Variants in ERVH48-1 observed in about 807,000 individuals in gnomAD.
ERVH48-1 encodes the protein endogenous retrovirus group 48 member 1, envelope.
ERVH48-1 carries 4 observed loss-of-function variants against 2.4 expected under a neutral mutation model. The observed-to-expected ratio is 1.68, with a 90% CI of 0.83 to 3.84. ERVH48-1 has a LOEUF of 3.84. Among genes scored for constraint, ERVH48-1 ranks in the 30% most tolerant of loss-of-function variants. The pLI is 0.01. For synonymous variants in ERVH48-1, 32 were observed against 15.5 expected (o/e 2.06, Z -2.49); for missense variants, 97 against 43.4 (o/e 2.23, Z -3.47).
chr21:42,923,823 G>C (rs906084817), intron 1 of ERVH48-1, among the ~76,000 whole-genome samples: 2 of 152,232 alleles, frequency 1.3e-5, no homozygotes, highest in African/African-American at 2.4e-5. Flanking sequence ...GCGTGGAAGA[G>C]AGGATAACGT....
chr21:42,923,123 G>T (rs535492421), intron 1 of ERVH48-1, among the ~76,000 whole-genome samples: 88 of 152,274 alleles, frequency 5.8e-4, no homozygotes, highest in African/African-American at 1.9e-3. Flanking sequence ...CTTCCAGTGG[G>T]GTCCTCTGCA....
chr21:42,924,813 C>G (rs891615143), intron 1 of ERVH48-1, among the ~76,000 whole-genome samples: 1 of 152,260 alleles, frequency 6.6e-6, no homozygotes, highest in Non-Finnish European at 1.5e-5. Flanking sequence ...AAAAGCAGAC[C>G]GTCCTGGACA....
intron 1 of ERVH48-1, among the ~76,000 whole-genome samples, chr21:42,920,033 C>T (rs2058800950): frequency 2.8e-5 from 4 of 140,864 alleles, no homozygotes; most frequent in Admixed American, 2.8e-4. Context: ...AAGATGAGGA[C>T]AAATGAGGAT....
At position 42,921,131 on chromosome 21, in the gene ERVH48-1, C is replaced by T. The variant is rs182612408; in HGVS notation, c.-285-1840G>A. Reference sequence around the variant, plus strand: ...GAGAGGTAGGCAACAACCTGGAGGGCGGGTCCCTTAGACTGGGTTAGAACA... The same window carrying T: ...GAGAGGTAGGCAACAACCTGGAGGGTGGGTCCCTTAGACTGGGTTAGAACA... On this transcript the variant is annotated intron_variant, in intron 1 of 1. Transcript: ENST00000447535. Among the ~76,000 whole-genome samples, 7 of 151,974 alleles carry T rather than the reference C, an allele frequency of 4.6e-5. No homozygotes were observed. In the East Asian group the frequency reaches 1.4e-3, roughly 30 times the overall value.
rs1177220832 is a variant in ERVH48-1, at chr21:42,919,134, T to C, written c.-128A>G. 3 of 1,152,978 alleles carry C rather than the reference T, an allele frequency of 2.6e-6. No homozygotes were observed. The Admixed American group carries it at 1.0e-4, about 40-fold the overall frequency. The allele number at this position is 1,152,978 out of a possible 1,614,324, so 71.4% of individuals were successfully genotyped here. A position where few individuals can be genotyped will look rare whatever the true frequency, so the allele number is the denominator to read the frequency against. On this transcript the variant is annotated 5_prime_UTR_variant, in exon 2 of 2. Coordinates refer to ENST00000447535, the MANE Select transcript of ERVH48-1 (RefSeq NM_001308491.2). ...CTGTTAATGTTTTGGAGGAAGAAGCTGCCTTGGGGGTGAGCTTGACCCTGG... is the reference window on the plus strand; with the variant it reads ...CTGTTAATGTTTTGGAGGAAGAAGCCGCCTTGGGGGTGAGCTTGACCCTGG...
Position 42,918,449 on chromosome 21 carries a change from C to A in ERVH48-1, c.*75G>T. Reference sequence around the variant, plus strand: ...CCCCCGCATACCCAACAATTGGACACATTCATGGTAAGCACAATGGTTCTC... The same window carrying A: ...CCCCCGCATACCCAACAATTGGACAAATTCATGGTAAGCACAATGGTTCTC... On this transcript the variant is annotated 3_prime_UTR_variant, in exon 2 of 2. Transcript: ENST00000447535. The A allele has an allele frequency of 2.5e-6, 1 of 399,636 alleles. No individual in the cohort carries two copies. Among genetic ancestry groups the A allele is most frequent in the South Asian group, 1.9e-5 (1 of 52,924 alleles). 24.8% of individuals were successfully genotyped at this position (399,636 alleles called of 1,614,324 possible). A position where few individuals can be genotyped will look rare whatever the true frequency, so the allele number is the denominator to read the frequency against.
chr21:42,923,047 C>T (rs915928617), intron 1 of ERVH48-1, among the ~76,000 whole-genome samples: 59 of 152,334 alleles, frequency 3.9e-4, no homozygotes, highest in African/African-American at 1.4e-3. Flanking sequence ...CCGATGAGAT[C>T]GAGTAGGTTT....
rs1292677992 is a variant in ERVH48-1, at chr21:42,917,940, T to C, written c.*584A>G. The C allele has an allele frequency of 6.6e-6, 1 of 152,324 alleles. No homozygotes were observed. The highest frequency in any genetic ancestry group is 1.5e-5 in the Non-Finnish European group (1 of 68,138). The allele number at this position is 152,324 out of a possible 1,614,324, so 9.4% of individuals were successfully genotyped here. The stretch of plus-strand genomic sequence containing the variant: ...AAAAGAATCCAGGTTGAATTGTGCC[T>C]AGGAAGCAAGTACCTTGCCAGTGAT... On this transcript the variant is annotated 3_prime_UTR_variant, in exon 2 of 2. Transcript: ENST00000447535.
chr21:42,925,556 G>T lies in ERVH48-1; in HGVS notation c.-496C>A. ...CGGAGAGCGCGCCAACAGACAACAC[G>T]AGGCGGTGTGGAGCAACACACTGTT... is the stretch of plus-strand genomic sequence containing the variant. On this transcript the variant is annotated 5_prime_UTR_variant, in exon 1 of 2. Transcript: ENST00000447535. The T allele has an allele frequency of 3.8e-6, 1 of 260,314 alleles. No homozygotes were observed. The highest frequency in any genetic ancestry group is 2.3e-5 in the African/African-American group (1 of 43,080). 16.1% of individuals were successfully genotyped at this position (260,314 alleles called of 1,614,324 possible).
rs2058817726 is a variant in ERVH48-1, at chr21:42,925,360, A to G, written c.-300T>C. 3 of 454,758 alleles carry G rather than the reference A, an allele frequency of 6.6e-6. No individual in the cohort carries two copies. Among genetic ancestry groups the G allele is most frequent in the African/African-American group, 2.1e-5 (1 of 47,320 alleles). 28.2% of individuals were successfully genotyped at this position (454,758 alleles called of 1,614,324 possible). ...AGGAAACTTACCAGTAGGCGAGATC[A>G]GTGACCGATGTGCATGCACAGAGAG... is the stretch of plus-strand genomic sequence containing the variant. On this transcript the variant is annotated 5_prime_UTR_variant, in exon 1 of 2. The change abolishes the stop of an existing upstream ORF in the 5' untranslated region. Coordinates refer to ENST00000447535, the MANE Select transcript of ERVH48-1 (RefSeq NM_001308491.2).
intron 1 of ERVH48-1, among the ~76,000 whole-genome samples, chr21:42,921,134 G>C (rs1029639410): frequency 3.3e-5 from 5 of 152,088 alleles, no homozygotes; most frequent in African/African-American, 1.2e-4. Flanking sequence ...TGGAGGGCGG[G>C]TCCCTTAGAC....
intron 1 of ERVH48-1, among the ~76,000 whole-genome samples, chr21:42,922,085 C>CTACA (rs1476613249): frequency 2.6e-5 from 4 of 152,086 alleles, no homozygotes; most frequent in Non-Finnish European, 4.4e-5. Context: ...GAGGAGGTGA[C>CTACA]TGGCGAGGAG....
chr21:42,922,232 T>A (rs2058807969), intron 1 of ERVH48-1, among the ~76,000 whole-genome samples: 1 of 151,744 alleles, frequency 6.6e-6, no homozygotes. Flanking sequence ...TGTGGAAGTA[T>A]CTCAAAACAG....
rs1158650109 is a variant in ERVH48-1 at position 42,918,279 on chromosome 21, T to A, written c.*245A>T. 9.0e-6 allele frequency: 3 copies of A among 334,752 alleles called. No individual in the cohort carries two copies. Among genetic ancestry groups the A allele is most frequent in the African/African-American group, 2.2e-5 (1 of 46,448 alleles). 20.7% of individuals were successfully genotyped at this position (334,752 alleles called of 1,614,324 possible). On this transcript the variant is annotated 3_prime_UTR_variant, in exon 2 of 2. Coordinates refer to ENST00000447535, the MANE Select transcript of ERVH48-1 (RefSeq NM_001308491.2). Reference sequence around the variant, plus strand: ...GTTTTATCAGTCCACTTGCGGGATATGCACACCGTCCCTCATACTGGGTTG... The same window carrying A: ...GTTTTATCAGTCCACTTGCGGGATAAGCACACCGTCCCTCATACTGGGTTG...
At chr21:42,922,739 CAAAAAAAAAAAAAA>C (rs35066156) in intron 1 of ERVH48-1, among the ~76,000 whole-genome samples, 2 of 48,196 alleles carry the variant, frequency 4.1e-5, no homozygotes, top group African/African-American at 1.9e-4. Flanking sequence ...GACTCCGTCT[CAAAAAAAAAAAAAA>C]AAAAAAAAAA....
chr21:42,924,369 G>T (rs979857268), intron 1 of ERVH48-1, among the ~76,000 whole-genome samples: 1 of 152,136 alleles, frequency 6.6e-6, no homozygotes, highest in African/African-American at 2.4e-5. Flanking sequence ...GGCAGGGGCT[G>T]GAAGGGGTGG....
chr21:42,919,591 G>A (rs1028900230), intron 1 of ERVH48-1, among the ~76,000 whole-genome samples: 6 of 152,210 alleles, frequency 3.9e-5, no homozygotes, highest in African/African-American at 1.4e-4. Flanking sequence ...TGGGCTTTAA[G>A]GACAGAGTTG....
At chr21:42,922,252 C>T (rs2058808006) in intron 1 of ERVH48-1, among the ~76,000 whole-genome samples, 1 of 151,682 alleles carries the variant, frequency 6.6e-6, no homozygotes, top group African/African-American at 2.4e-5. Flanking sequence ...GCGGGGTTAA[C>T]CATGGATGGG....
At chr21:42,924,814 G>A (rs978290946) in intron 1 of ERVH48-1, among the ~76,000 whole-genome samples, 2 of 152,138 alleles carry the variant, frequency 1.3e-5, no homozygotes, top group Non-Finnish European at 2.9e-5. Context: ...AAAGCAGACC[G>A]TCCTGGACAG....
Sources: gnomAD v4.1 joint callset for allele counts (sites outside exome capture counted in the v4.1 genomes callset) on GRCh38, gnomAD v4.1.1 for gene constraint, MANE v1.5 for transcripts, NCBI Gene and HGNC (gene_info 2026-07-23, HGNC 2026-07-21) for gene names.